Variants in CLIP4 observed in about 807,000 individuals in gnomAD.
The protein encoded by CLIP4 is CAP-Gly domain containing linker protein family member 4, also known as CAP-Gly domain-containing linker protein 4.
CLIP4 carries 47 observed loss-of-function variants against 73.1 expected under a neutral mutation model. The observed-to-expected ratio is 0.64, with a 90% CI of 0.51 to 0.82. The LOEUF (loss-of-function observed/expected upper bound fraction) is 0.82. CLIP4 is among the 40% of genes least tolerant of loss of function. The pLI is 0.00. For missense variants in CLIP4, 874 were observed against 852.9 expected, an observed-to-expected ratio of 1.02 and a Z score of -0.31; for synonymous variants, 306 against 295.4, an observed-to-expected ratio of 1.04 and a Z score of -0.37.
chr2:29,165,201 T>A (rs1236339040), intron 13 of CLIP4, among the ~76,000 whole-genome samples: 1 of 152,206 alleles, frequency 6.6e-6, no homozygotes, highest in Non-Finnish European at 1.5e-5. Context: ...CCAGGTGTGT[T>A]ACTTTGTAAT....
At chr2:29,171,165 T>C (rs2148091515) in intron 14 of CLIP4, among the ~76,000 whole-genome samples, 1 of 152,368 alleles carries the variant, frequency 6.6e-6, no homozygotes, top group African/African-American at 2.4e-5. Flanking sequence ...TGGGATTGCA[T>C]TGACTATATA....
At chr2:29,130,662 T>C in intron 2 of CLIP4, 1 of 1,131,142 alleles carries the variant, frequency 8.8e-7, no homozygotes, top group Non-Finnish European at 1.1e-6. Context: ...TGTTATCACA[T>C]TTCAGTTCAA....
At position 29,163,919 on chromosome 2, in the gene CLIP4, A is replaced by T; in HGVS notation, c.1623A>T (p.Arg541Ser). The T allele has an allele frequency of 6.2e-7, 1 of 1,613,406 alleles. No homozygotes were observed. Among genetic ancestry groups the T allele is most frequent in the Middle Eastern group, 1.6e-4 (1 of 6,062 alleles). ...GGVQYFSCSP[R>S]YGIFAPPSRV... ...TGCAGTATTTTAGCTGTTCTCCAAG[A>T]TATGGAATATTTGCTCCCCCATCCA... The change falls in exon 13 of 16, where the codon AGA (arginine) becomes AGT (serine). Residue 541 changes from arginine to serine, a missense_variant. Physicochemically the swap from Arg to Ser is moderately radical, Grantham distance 110. Coordinates refer to ENST00000320081, the MANE Select transcript of CLIP4 (RefSeq NM_024692.6).
At chr2:29,181,384 A>G (rs1329579498) in intron 15 of CLIP4, among the ~76,000 whole-genome samples, 188 bp from the exon 16 acceptor site, 1 of 152,208 alleles carries the variant, frequency 6.6e-6, no homozygotes, top group Non-Finnish European at 1.5e-5. Context: ...AAACCTGTGT[A>G]GTTCATGGGT....
chr2:29,110,588 A>G (rs148523052), upstream of CLIP4, among the ~76,000 whole-genome samples: 324 of 152,344 alleles, frequency 2.1e-3, 1 homozygote, highest in African/African-American at 7.4e-3. Context: ...TATGTAATGT[A>G]TGCTGTAGAA....
chr2:29,133,332 C>G (rs1313928282), intron 4 of CLIP4, among the ~76,000 whole-genome samples: 1 of 152,216 alleles, frequency 6.6e-6, no homozygotes, highest in African/African-American at 2.4e-5. Flanking sequence ...TGGGGGAGCA[C>G]TGATCTGCTG....
At chr2:29,158,744 C>T (rs988452528) in intron 11 of CLIP4, among the ~76,000 whole-genome samples, 3 of 152,176 alleles carry the variant, frequency 2.0e-5, no homozygotes, top group African/African-American at 4.8e-5. Flanking sequence ...GTAGGGACCT[C>T]GGCCTCATCA....
At chr2:29,099,811 C>A (rs1026581079) in intron 1 of CLIP4, among the ~76,000 whole-genome samples, 1 of 152,158 alleles carries the variant, frequency 6.6e-6, no homozygotes, top group African/African-American at 2.4e-5. Context: ...ATTATTGAGT[C>A]TTCTGATCCA....
Position 29,153,498 on chromosome 2 carries a change from C to CTT in CLIP4, c.1165+676_1165+677dup, listed in dbSNP as rs36056745. Reference sequence around the variant, plus strand: ...TCCTCATTCCCTAACTTTGTATGTGCTTTTTTTATCCATACCACCCAATTG... The same window carrying CTT: ...TCCTCATTCCCTAACTTTGTATGTGCTTTTTTTTTATCCATACCACCCAATTG... On this transcript the variant is annotated intron_variant, in intron 9 of 15. Transcript: ENST00000320081. Among the ~76,000 whole-genome samples, 12 of 151,906 alleles carry CTT rather than the reference C, an allele frequency of 7.9e-5. No homozygotes were observed. In the South Asian group the frequency reaches 2.5e-3, roughly 32 times the overall value.
At chr2:29,128,504 A>ACG (rs1202784004) in intron 2 of CLIP4, among the ~76,000 whole-genome samples, 3 of 152,108 alleles carry the variant, frequency 2.0e-5, no homozygotes, top group Middle Eastern at 3.2e-3. Flanking sequence ...CAAAGACAGC[A>ACG]CGAAGCACAT....
At chr2:29,141,433 C>A (rs1665758857) in intron 6 of CLIP4, among the ~76,000 whole-genome samples, 1 of 152,170 alleles carries the variant, frequency 6.6e-6, no homozygotes, top group Non-Finnish European at 1.5e-5. Flanking sequence ...TGAAGTCACC[C>A]ACTATTATTG....
At chr2:29,142,920 G>C (rs1469807930) in intron 6 of CLIP4, among the ~76,000 whole-genome samples, 6 of 152,152 alleles carry the variant, frequency 3.9e-5, no homozygotes, top group Non-Finnish European at 8.8e-5. Flanking sequence ...AATGACCGTG[G>C]GGTTGTCATT....
At chr2:29,135,822 A>G (rs1270758935) in intron 6 of CLIP4, among the ~76,000 whole-genome samples, 156 bp downstream of exon 6, 1 of 152,192 alleles carries the variant, frequency 6.6e-6, no homozygotes, top group Non-Finnish European at 1.5e-5. Context: ...GATGATCTTT[A>G]TTGTAAATAA....
intron 2 of CLIP4, chr2:29,130,594 C>T (rs1558526733): frequency 2.7e-6 from 3 of 1,114,490 alleles, no homozygotes; most frequent in Admixed American, 9.4e-5. Context: ...CAAGGTTTGT[C>T]TTGGCTTCTA....
intron 15 of CLIP4, among the ~76,000 whole-genome samples, chr2:29,178,907 G>T (rs1668497114): frequency 6.6e-6 from 1 of 152,176 alleles, no homozygotes; most frequent in Non-Finnish European, 1.5e-5. Flanking sequence ...CGATTATCAT[G>T]CCTCAGCCTC....
At chr2:29,147,090 C>T (rs1323908090) in intron 8 of CLIP4, among the ~76,000 whole-genome samples, 1 of 152,040 alleles carries the variant, frequency 6.6e-6, no homozygotes, top group East Asian at 1.9e-4. Context: ...TGTAATTTCC[C>T]CAAATCTTTA....
chr2:29,160,439 G>A lies in CLIP4; in HGVS notation c.1506G>A (p.Arg502=), dbSNP rs758129174. The change falls in exon 12 of 16, where the codon AGG becomes AGA. Residue 502 remains arginine, a synonymous_variant. Coordinates refer to ENST00000320081, the MANE Select transcript of CLIP4 (RefSeq NM_024692.6). ...TAGGACAGAGACTGGGCACCATTAG[G>A]TTCTTTGGGACAACAAACTTCGCTC... ...LVVGQRLGTI[R]FFGTTNFAPG... 1.1e-5 allele frequency: 17 copies of A among 1,613,956 alleles called. No homozygotes were observed. In the East Asian group the frequency reaches 2.7e-4, roughly 25 times the overall value.
chr2:29,138,776 T>C (rs1665554955), intron 6 of CLIP4, among the ~76,000 whole-genome samples: 1 of 152,114 alleles, frequency 6.6e-6, no homozygotes, highest in African/African-American at 2.4e-5. Context: ...AATGGAATTG[T>C]GTTCTTGATT....
intron 2 of CLIP4, among the ~76,000 whole-genome samples, chr2:29,124,301 T>A (rs1328869649): frequency 6.6e-6 from 1 of 152,202 alleles, no homozygotes; most frequent in Non-Finnish European, 1.5e-5. Flanking sequence ...TTTCAGTACT[T>A]GAAAGATCTT....
Sources: gnomAD v4.1 joint callset for allele counts (sites outside exome capture counted in the v4.1 genomes callset) on GRCh38, gnomAD v4.1.1 for gene constraint, MANE v1.5 for transcripts, NCBI Gene and HGNC (gene_info 2026-07-23, HGNC 2026-07-21) for gene names.